Variants in SDK2 observed in about 807,000 individuals in gnomAD.
SDK2 encodes sidekick cell adhesion molecule 2.
In SDK2, 105 loss-of-function variants were observed where a neutral mutation model predicts 253.9. The observed-to-expected ratio is 0.41, with a 90% CI of 0.35 to 0.49. The LOEUF (loss-of-function observed/expected upper bound fraction) is 0.49, where lower values mean the gene tolerates loss of function less well. Among genes scored for constraint, SDK2 ranks in the 20% least tolerant of loss-of-function variants. SDK2 has a pLI of 0.06. For synonymous variants in SDK2, 1,249 were observed against 1,234.9 expected (o/e 1.01, Z -0.24); for missense variants, 2,608 against 3,003.0 (o/e 0.87, Z 3.07).
chr17:73,580,615 T>C lies in SDK2; in HGVS notation c.64+63410A>G, dbSNP rs75902948. Reference sequence around the variant, plus strand: ...GCTGTTGCCATCTTGAAATTCTTAATGCCTTCATCTTTGAACTTGTGCTTT... The same window carrying C: ...GCTGTTGCCATCTTGAAATTCTTAACGCCTTCATCTTTGAACTTGTGCTTT... On this transcript the variant is annotated intron_variant, in intron 1 of 44. Coordinates refer to ENST00000392650, the MANE Select transcript of SDK2 (RefSeq NM_001144952.2). Among the ~76,000 whole-genome samples the C allele has an allele frequency of 2.4e-3, 365 of 152,382 alleles. 6 individuals carry two copies. The South Asian group carries it at 0.034, about 14-fold the overall frequency.
intron 1 of SDK2, among the ~76,000 whole-genome samples, chr17:73,567,842 T>C (rs975045486): frequency 2.0e-5 from 3 of 152,394 alleles, no homozygotes; most frequent in Admixed American, 2.0e-4. Flanking sequence ...TGTACCACCA[T>C]TGTATCTTGA....
chr17:73,617,984 C>A (rs1354755196), intron 1 of SDK2, among the ~76,000 whole-genome samples: 6 of 152,198 alleles, frequency 3.9e-5, no homozygotes, highest in African/African-American at 1.4e-4. Context: ...GGAGGGCAAG[C>A]TGCTGTCTGA....
At chr17:73,345,728 C>T (rs570518525) in intron 44 of SDK2, among the ~76,000 whole-genome samples, 1 of 152,198 alleles carries the variant, frequency 6.6e-6, no homozygotes, top group African/African-American at 2.4e-5. Context: ...GGGGTGGGGG[C>T]CTTCCCAACT....
chr17:73,492,090 C>T (rs1011413079), intron 2 of SDK2, among the ~76,000 whole-genome samples: 10 of 152,104 alleles, frequency 6.6e-5, no homozygotes, highest in African/African-American at 2.4e-4. Context: ...CATGGTGGCC[C>T]ACCATGCTAC....
chr17:73,619,659 T>C (rs2046104790), intron 1 of SDK2, among the ~76,000 whole-genome samples: 1 of 152,122 alleles, frequency 6.6e-6, no homozygotes, highest in Non-Finnish European at 1.5e-5. Context: ...TGGGGTTAAA[T>C]CTTAAAATCC....
chr17:73,408,661 T>G (rs984377285), intron 18 of SDK2, among the ~76,000 whole-genome samples: 15 of 152,082 alleles, frequency 9.9e-5, no homozygotes, highest in African/African-American at 1.9e-4. Flanking sequence ...AAATCCAGAC[T>G]GTGGAAAATT....
At chr17:73,384,270 A>G (rs2062855040) in intron 32 of SDK2, among the ~76,000 whole-genome samples, 1 of 152,116 alleles carries the variant, frequency 6.6e-6, no homozygotes, top group Non-Finnish European at 1.5e-5. Context: ...AGGCTCAGAG[A>G]TGTTAAGGAA....
rs531033081 is a variant in SDK2 at position 73,379,482 on chromosome 17, G to A, written c.4830C>T (p.Ser1610=). ...SVYNAVGEGP[S]SPPQEVFVGE... ...CAACAAAGACCTCCTGCGGGGGGCTGGAGGGCCCCTCACCCACAGCGTTGT... is the reference window on the plus strand; with the variant it reads ...CAACAAAGACCTCCTGCGGGGGGCTAGAGGGCCCCTCACCCACAGCGTTGT... The change falls in exon 35 of 45, where the codon TCC becomes TCT. Residue 1610 remains serine, a synonymous_variant. Coordinates refer to ENST00000392650, the MANE Select transcript of SDK2 (RefSeq NM_001144952.2). This position sits in a 1 kb window ranked among gnomAD's most constrained non-coding sequence, Gnocchi z 4.5. The A allele has an allele frequency of 6.2e-7, 1 of 1,611,952 alleles. No individual in the cohort carries two copies. The highest frequency in any genetic ancestry group is 2.2e-5 in the East Asian group (1 of 44,858).
In SDK2 at chr17:73,513,590, C is replaced by A. The variant is rs553156620; in HGVS notation, c.65-5993G>T. 18 of 152,322 alleles carry A rather than the reference C, an allele frequency of 1.2e-4. No individual in the cohort carries two copies. In the East Asian group the frequency reaches 3.5e-3, roughly 29 times the overall value. 9.4% of individuals were successfully genotyped at this position (152,322 alleles called of 1,614,324 possible). On this transcript the variant is annotated intron_variant, in intron 1 of 44. Coordinates refer to ENST00000392650, the MANE Select transcript of SDK2 (RefSeq NM_001144952.2). ...GCACACATCCTCCAATTCGCCAACT[C>A]TTCAAGGAATTCACCCTCCACAGAC...
intron 36 of SDK2, among the ~76,000 whole-genome samples, chr17:73,375,898 A>C (rs1044834472): frequency 5.9e-5 from 9 of 151,626 alleles, no homozygotes; most frequent in African/African-American, 1.5e-4. Flanking sequence ...CTAAACTAAA[A>C]TAAAATAAAA....
intron 44 of SDK2, among the ~76,000 whole-genome samples, chr17:73,343,594 G>T (rs1201891747): frequency 6.6e-6 from 1 of 152,188 alleles, no homozygotes; most frequent in Admixed American, 6.5e-5. Context: ...CGTCTCCCTG[G>T]TCTCTTAACA....
chr17:73,408,414 C>CG (rs2063099099), intron 18 of SDK2, among the ~76,000 whole-genome samples: 1 of 150,934 alleles, frequency 6.6e-6, no homozygotes, highest in South Asian at 2.1e-4. Flanking sequence ...TTAGTAGAGA[C>CG]GGGGTTTCAC....
At chr17:73,404,589 G>A (rs1305011179) in intron 18 of SDK2, among the ~76,000 whole-genome samples, 1 of 152,248 alleles carries the variant, frequency 6.6e-6, no homozygotes, top group African/African-American at 2.4e-5. Context: ...GACCTACTAA[G>A]AGCTGGCTCA....
chr17:73,356,270 T>C (rs545727521), intron 40 of SDK2, among the ~76,000 whole-genome samples: 73 of 152,300 alleles, frequency 4.8e-4, no homozygotes, highest in Middle Eastern at 6.8e-3. Flanking sequence ...TGGGATCTCC[T>C]GCCTGCTGTT....
In SDK2 at chr17:73,401,716, A is replaced by T; in HGVS notation, c.2717T>A (p.Ile906Asn). 2 of 1,592,328 alleles carry T rather than the reference A, an allele frequency of 1.3e-6. No homozygotes were observed. The highest frequency in any genetic ancestry group is 1.7e-6 in the Non-Finnish European group (2 of 1,168,624). Residue 906 changes from isoleucine to asparagine, a missense_variant, in exon 20 of 45, where the codon ATC becomes AAC. Ile to Asn is a moderately radical substitution (Grantham distance 149). Around this residue, in one of 2 missense-constraint regions of SDK2, gnomAD observed 1,505 missense variants for 1,859.1 expected, o/e 0.81. Transcript: ENST00000392650. ...GCTGACCTTCAGCGATGTGTCCAGG[A>T]TCTCACTGAAGCTCAGGTGTCCCAC... ...GPVGHLSFSE[I>N]LDTSLKVSWQ...
intron 1 of SDK2, among the ~76,000 whole-genome samples, chr17:73,567,874 T>C (rs1174757163): frequency 6.6e-6 from 1 of 152,274 alleles, no homozygotes; most frequent in Non-Finnish European, 1.5e-5. Context: ...TTGGTTTTGC[T>C]TTTACACATT....
At chr17:73,532,941 G>A (rs992362742) in intron 1 of SDK2, among the ~76,000 whole-genome samples, 2 of 152,214 alleles carry the variant, frequency 1.3e-5, no homozygotes, top group African/African-American at 4.8e-5. Context: ...TACCCAGACA[G>A]GCACTTAATA....
At position 73,541,913 on chromosome 17, in the gene SDK2, T is replaced by G. The variant is rs571794505; in HGVS notation, c.65-34316A>C. 5.8e-4 allele frequency among the ~76,000 whole-genome samples: 88 copies of G among 152,350 alleles called. No homozygotes were observed. Among genetic ancestry groups the G allele is most frequent in the African/African-American group, 2.0e-3 (83 of 41,584 alleles). On this transcript the variant is annotated intron_variant, in intron 1 of 44. Coordinates refer to ENST00000392650, the MANE Select transcript of SDK2 (RefSeq NM_001144952.2). The surrounding 1 kb of genome is among the most constrained non-coding windows in gnomAD (Gnocchi z 4.3). ...GCAAGTCCAGGCCTGTTCTTGCCTG[T>G]GTGCCCTGAGGAGAGCCCCAAACCT...
intron 1 of SDK2, among the ~76,000 whole-genome samples, chr17:73,555,364 G>A (rs1007401602): frequency 2.0e-5 from 3 of 152,252 alleles, no homozygotes; most frequent in African/African-American, 7.2e-5. Flanking sequence ...CAAAGGTGTG[G>A]CATGTGAATG....
Sources: allele counts gnomAD v4.1 joint callset (sites outside exome capture counted in the v4.1 genomes callset), GRCh38; gene constraint gnomAD v4.1.1; regional missense constraint gnomAD v4.1.1; non-coding constraint Gnocchi (gnomAD v3.1); transcripts MANE v1.5; gene names NCBI Gene and HGNC (gene_info 2026-07-23, HGNC 2026-07-21).